Variants in PPP2CB observed in about 807,000 individuals in gnomAD.
PPP2CB encodes the protein protein phosphatase 2 catalytic subunit beta.
A neutral mutation model predicts 39.1 loss-of-function variants in PPP2CB; 18 were observed. The observed-to-expected ratio is 0.46, with a 90% CI of 0.32 to 0.68. PPP2CB has a LOEUF of 0.68. Among genes scored for constraint, PPP2CB ranks in the 30% least tolerant of loss-of-function variants. The pLI, the probability that PPP2CB is intolerant of heterozygous loss-of-function variation, is 0.04. For missense variants in PPP2CB, 226 were observed against 396.9 expected (o/e 0.57, Z 3.66); for synonymous variants, 129 against 133.8 (o/e 0.96, Z 0.25).
At chr8:30,808,071 A>T (rs970927727) in intron 1 of PPP2CB, among the ~76,000 whole-genome samples, 15 of 152,152 alleles carry the variant, frequency 9.9e-5, no homozygotes, top group African/African-American at 3.6e-4. Context: ...CTTTACTAGT[A>T]CTACTCTGGT....
intron 2 of PPP2CB, among the ~76,000 whole-genome samples, chr8:30,799,266 T>C (rs1245219723): frequency 6.6e-6 from 1 of 152,116 alleles, no homozygotes; most frequent in Non-Finnish European, 1.5e-5. Flanking sequence ...AAAGCAAGGA[T>C]TTAAAAAGAC....
chr8:30,801,766 C>T (rs572326273), intron 1 of PPP2CB, among the ~76,000 whole-genome samples: 2 of 152,216 alleles, frequency 1.3e-5, no homozygotes, highest in African/African-American at 2.4e-5. Flanking sequence ...CAACCTGTAG[C>T]GATTTTCAAA....
Position 30,808,223 on chromosome 8 carries a change from C to T in PPP2CB, c.102+4097G>A, listed in dbSNP as rs540053898. The stretch of plus-strand genomic sequence containing the variant: ...AAGCAATTCTCCTGCCTCAGCCTCC[C>T]GAGTAGCTGGGACTACAGGCACACA... On this transcript the variant is annotated intron_variant, in intron 1 of 6. Coordinates refer to ENST00000221138, the MANE Select transcript of PPP2CB (RefSeq NM_001009552.2). Among the ~76,000 whole-genome samples the T allele has an allele frequency of 2.0e-4, 31 of 152,106 alleles. No individual in the cohort carries two copies. In the East Asian group the frequency reaches 5.4e-3, roughly 27 times the overall value.
At position 30,794,438 on chromosome 8, in the gene PPP2CB, G is replaced by C. The variant is rs1586122763; in HGVS notation, c.487-157C>G. Reference sequence around the variant, plus strand: ...CTTCTTTACCCCTTCTCTGGTCAATGGTATCCCCATCCTTGGGGACCCACC... The same window carrying C: ...CTTCTTTACCCCTTCTCTGGTCAATCGTATCCCCATCCTTGGGGACCCACC... On this transcript the variant is annotated intron_variant, in intron 3 of 6. Coordinates refer to ENST00000221138, the MANE Select transcript of PPP2CB (RefSeq NM_001009552.2). The C allele has an allele frequency of 6.6e-6, 4 of 605,560 alleles. No homozygotes were observed. The East Asian group carries it at 1.2e-4, about 18-fold the overall frequency. 37.5% of individuals were successfully genotyped at this position (605,560 alleles called of 1,614,324 possible). A position where few individuals can be genotyped will look rare whatever the true frequency, so the allele number is the denominator to read the frequency against.
At chr8:30,803,967 C>T (rs573954276) in intron 1 of PPP2CB, among the ~76,000 whole-genome samples, 11 of 152,132 alleles carry the variant, frequency 7.2e-5, no homozygotes, top group Admixed American at 2.6e-4. Context: ...GGATTACAGG[C>T]GCGTGCCACC....
intron 1 of PPP2CB, chr8:30,810,164 A>G (rs746875391): frequency 1.3e-5 from 2 of 152,230 alleles, no homozygotes; most frequent in Admixed American, 6.5e-5. Context: ...AAATTATTAG[A>G]AAGTCAATAG....
At chr8:30,802,858 C>A (rs529058956) in intron 1 of PPP2CB, among the ~76,000 whole-genome samples, 1 of 152,222 alleles carries the variant, frequency 6.6e-6, no homozygotes, top group South Asian at 2.1e-4. Context: ...AAGCCAAACA[C>A]ACAAGACATA....
rs572594517 is a variant in PPP2CB, at chr8:30,791,906, G to A, written c.739-591C>T. On this transcript the variant is annotated intron_variant, in intron 5 of 6. Transcript: ENST00000221138. ...TATATGTATACATGTGTATATACAT[G>A]TGTATATACATACACGTATATATGT... is the stretch of plus-strand genomic sequence containing the variant. Among the ~76,000 whole-genome samples the A allele has an allele frequency of 4.6e-5, 7 of 151,356 alleles. 1 individual carries two copies. The highest frequency in any genetic ancestry group is 4.0e-4 in the Admixed American group (6 of 15,102).
chr8:30,796,305 G>C (rs750478194), intron 3 of PPP2CB, among the ~76,000 whole-genome samples: 2 of 152,168 alleles, frequency 1.3e-5, no homozygotes, highest in African/African-American at 4.8e-5. Flanking sequence ...CAGTCTAAGA[G>C]AGAATTTATT....
intron 1 of PPP2CB, among the ~76,000 whole-genome samples, chr8:30,806,810 A>G (rs974472457): frequency 6.6e-6 from 1 of 152,244 alleles, no homozygotes; most frequent in African/African-American, 2.4e-5. Context: ...AAAAGCAGGC[A>G]ATGAAAAGAA....
In PPP2CB at chr8:30,788,426, C is replaced by T. The variant is rs144657505; in HGVS notation, c.858-2119G>A. Among the ~76,000 whole-genome samples the T allele has an allele frequency of 1.1e-3, 169 of 152,176 alleles. 1 individual carries two copies. In the East Asian group the frequency reaches 0.012, roughly 11 times the overall value. On this transcript the variant is annotated intron_variant, in intron 6 of 6. Coordinates refer to ENST00000221138, the MANE Select transcript of PPP2CB (RefSeq NM_001009552.2). Reference sequence around the variant, plus strand: ...TACAGGTGCTTGGCACCATACCTGGCTAATTTTTAAATTTTTTTGTAGAGA... The same window carrying T: ...TACAGGTGCTTGGCACCATACCTGGTTAATTTTTAAATTTTTTTGTAGAGA...
chr8:30,791,711 C>A (rs943168720), intron 5 of PPP2CB: 20 of 163,198 alleles, frequency 1.2e-4, no homozygotes, highest in Non-Finnish European at 1.4e-4. Context: ...GAGAACTGGG[C>A]CAGTTTTCAT....
chr8:30,794,674 C>T (rs904048974), intron 3 of PPP2CB, among the ~76,000 whole-genome samples: 10 of 152,220 alleles, frequency 6.6e-5, no homozygotes, highest in Admixed American at 3.3e-4. Context: ...TTGATCACTG[C>T]GCAATGCAGC....
chr8:30,808,961 G>C (rs1586128990), intron 1 of PPP2CB, among the ~76,000 whole-genome samples: 1 of 116,044 alleles, frequency 8.6e-6, no homozygotes, highest in Non-Finnish European at 1.6e-5. Flanking sequence ...ACTGCATTCT[G>C]TCACCCAGGC....
Position 30,812,418 on chromosome 8 carries a change from C to T in PPP2CB, c.4G>A (p.Asp2Asn), listed in dbSNP as rs745901306. Residue 2 changes from aspartate (D) to asparagine (N), a missense_variant, in exon 1 of 7, where the codon GAC becomes AAC. This residue lies in a region of PPP2CB where 59 missense variants were observed against 42.6 expected (regional missense o/e 1.38). Transcript: ENST00000221138. M[D>N]DKAFTKELDQ... ...AGCTCCTTGGTGAACGCCTTGTCGT[C>T]CATGGCGGCCCGATCCCGATGCGGA... 3 of 1,529,082 alleles carry T rather than the reference C, an allele frequency of 2.0e-6. No homozygotes were observed. Among genetic ancestry groups the T allele is most frequent in the Non-Finnish European group, 8.8e-7 (1 of 1,134,460 alleles). 94.7% of individuals were successfully genotyped at this position (1,529,082 alleles called of 1,614,324 possible). A position where few individuals can be genotyped will look rare whatever the true frequency, so the allele number is the denominator to read the frequency against.
In PPP2CB at chr8:30,786,097, T is replaced by C. The variant is rs1218808682; in HGVS notation, c.*138A>G. 4 of 770,588 alleles carry C rather than the reference T, an allele frequency of 5.2e-6. No individual in the cohort carries two copies. Among genetic ancestry groups the C allele is most frequent in the African/African-American group, 1.7e-5 (1 of 57,742 alleles). 47.7% of individuals were successfully genotyped at this position (770,588 alleles called of 1,614,324 possible). A position where few individuals can be genotyped will look rare whatever the true frequency, so the allele number is the denominator to read the frequency against. On this transcript the variant is annotated 3_prime_UTR_variant, in exon 7 of 7. Coordinates refer to ENST00000221138, the MANE Select transcript of PPP2CB (RefSeq NM_001009552.2). ...TCATTAGTATGGCACATTTGGTCCA[T>C]GATGTGGTTTAATGCCAAGACAGAT...
Position 30,791,254 on chromosome 8 carries a change from T to A in PPP2CB, c.800A>T (p.Tyr267Phe). The A allele has an allele frequency of 1.2e-6, 2 of 1,612,710 alleles. No homozygotes were observed. Among genetic ancestry groups the A allele is most frequent in the Non-Finnish European group, 8.5e-7 (1 of 1,179,674 alleles). Residue 267 changes from tyrosine (Y) to phenylalanine (F), a missense_variant, in exon 6 of 7, where the codon TAT (tyrosine) becomes TTT (phenylalanine). Around this residue, in one of 4 missense-constraint regions of PPP2CB, gnomAD observed 56 missense variants for 92.0 expected, o/e 0.61. Transcript: ENST00000221138. Reference sequence around the variant, plus strand: ...GATAGCAGCCTGGTTCCCACAACGATAACAGTAATTGGGTGCACTGAAAAT... The same window carrying A: ...GATAGCAGCCTGGTTCCCACAACGAAAACAGTAATTGGGTGCACTGAAAAT... ...VTIFSAPNYC[Y>F]RCGNQAAIME...
chr8:30,786,387 G>A (rs1019373119), intron 6 of PPP2CB, 80 bp from the exon 7 acceptor site: 1 of 1,192,078 alleles, frequency 8.4e-7, no homozygotes, highest in African/African-American at 1.5e-5. Flanking sequence ...AGACACTGTA[G>A]TAGAAACAGC....
At chr8:30,802,860 C>T (rs1164003942) in intron 1 of PPP2CB, among the ~76,000 whole-genome samples, 1 of 152,154 alleles carries the variant, frequency 6.6e-6, no homozygotes, top group African/African-American at 2.4e-5. Flanking sequence ...GCCAAACACA[C>T]AAGACATAAC....
Sources: gnomAD v4.1 joint callset for allele counts (sites outside exome capture counted in the v4.1 genomes callset) on GRCh38, gnomAD v4.1.1 for gene constraint, gnomAD v4.1.1 regional missense constraint, MANE v1.5 for transcripts, NCBI Gene and HGNC (gene_info 2026-07-23, HGNC 2026-07-21) for gene names.